The following CCDC60 variants were observed in gnomAD, a reference collection of about 807,000 sequenced individuals.
CCDC60 encodes coiled-coil domain containing 60.
Under a neutral mutation model 63.5 loss-of-function variants are expected in CCDC60, and 54 were observed. That is an observed-to-expected ratio of 0.85 (90% CI 0.68 to 1.07). The LOEUF is 1.07. Among genes scored for constraint, CCDC60 ranks in the 50% least tolerant of loss-of-function variants. The pLI, the probability that CCDC60 is intolerant of heterozygous loss-of-function variation, is 0.00. For synonymous variants in CCDC60, 206 were observed against 238.8 expected (o/e 0.86, Z 1.27); for missense variants, 651 against 684.3 (o/e 0.95, Z 0.54).
chr12:119,408,739 T>C (rs1956539538), intron 1 of CCDC60, among the ~76,000 whole-genome samples: 1 of 151,534 alleles, frequency 6.6e-6, no homozygotes, highest in African/African-American at 2.4e-5. Flanking sequence ...GGCAGGAGAA[T>C]GGTGTGAACC....
Position 119,471,742 on chromosome 12 carries a change from A to C in CCDC60, c.171-252A>C, listed in dbSNP as rs924205710. ...CTCAGAGATTATTGGTCCCAAGACA[A>C]TAAGAGTCAACTCATCTTTTTTTTA... On this transcript the variant is annotated intron_variant, in intron 2 of 13. Transcript: ENST00000327554. Among the ~76,000 whole-genome samples the C allele has an allele frequency of 2.0e-5, 3 of 152,082 alleles. No individual in the cohort carries two copies. In the South Asian group the frequency reaches 6.2e-4, roughly 32 times the overall value.
At chr12:119,411,559 T>C (rs1686995618) in intron 1 of CCDC60, among the ~76,000 whole-genome samples, 2 of 152,202 alleles carry the variant, frequency 1.3e-5, no homozygotes, top group Admixed American at 1.3e-4. Flanking sequence ...TCTTTTGTTA[T>C]GGTGATGTCA....
At chr12:119,539,648 C>T (rs946465891) in intron 13 of CCDC60, among the ~76,000 whole-genome samples, 1 of 152,202 alleles carries the variant, frequency 6.6e-6, no homozygotes, top group African/African-American at 2.4e-5. Context: ...GTGAGCTAGA[C>T]CACTTGGCTC....
At chr12:119,453,158 T>C (rs1049410942) in intron 2 of CCDC60, among the ~76,000 whole-genome samples, 2 of 152,154 alleles carry the variant, frequency 1.3e-5, no homozygotes, top group Non-Finnish European at 2.9e-5. Context: ...CATTAATGTA[T>C]ATCCCACTTT....
At chr12:119,405,421 G>C (rs1030676443) in intron 1 of CCDC60, among the ~76,000 whole-genome samples, 5 of 152,194 alleles carry the variant, frequency 3.3e-5, no homozygotes, top group Non-Finnish European at 7.3e-5. Flanking sequence ...TCTGAAATGA[G>C]CATGGATATT....
At chr12:119,471,901 T>C in intron 2 of CCDC60, 93 bp from the exon 3 acceptor site, 2 of 1,044,550 alleles carry the variant, frequency 1.9e-6, no homozygotes, top group Non-Finnish European at 2.8e-6. Flanking sequence ...TTCTCTTTCC[T>C]CTCTCTCTTT....
intron 2 of CCDC60, among the ~76,000 whole-genome samples, chr12:119,447,476 C>T (rs1269788296): frequency 2.6e-5 from 4 of 152,094 alleles, no homozygotes; most frequent in Non-Finnish European, 5.9e-5. Context: ...GTTGTTTGTC[C>T]TGAAATTATA....
At chr12:119,373,779 G>C (rs1955923293) in intron 1 of CCDC60, among the ~76,000 whole-genome samples, 1 of 152,106 alleles carries the variant, frequency 6.6e-6, no homozygotes, top group Non-Finnish European at 1.5e-5. Context: ...TAGCCATCCA[G>C]ATGTTTCTAA....
At chr12:119,476,864 G>A (rs1353867362) in intron 3 of CCDC60, among the ~76,000 whole-genome samples, 1 of 152,052 alleles carries the variant, frequency 6.6e-6, no homozygotes, top group Non-Finnish European at 1.5e-5. Flanking sequence ...TGGCTGGAAG[G>A]TCTTTCCCTC....
intron 5 of CCDC60, among the ~76,000 whole-genome samples, chr12:119,499,129 T>C (rs1951785250): frequency 6.6e-6 from 1 of 152,234 alleles, no homozygotes; most frequent in Admixed American, 6.5e-5. Flanking sequence ...ACATACAGTA[T>C]ATGCAGCATG....
At chr12:119,512,521 T>G (rs708883) in intron 7 of CCDC60, among the ~76,000 whole-genome samples, 21,259 of 152,196 alleles carry the variant, frequency 0.14, 1,699 homozygotes, top group Non-Finnish European at 0.18. Context: ...GACAGTGTGC[T>G]GCAGGAGTCC....
chr12:119,360,217 C>T (rs1182233063), intron 1 of CCDC60, among the ~76,000 whole-genome samples: 1 of 151,086 alleles, frequency 6.6e-6, no homozygotes, highest in South Asian at 2.1e-4. Flanking sequence ...CAGAGGGGCT[C>T]CTCACTTCCC....
chr12:119,519,432 TGTGCGC>T (rs1256380339), intron 8 of CCDC60, among the ~76,000 whole-genome samples: 6 of 129,358 alleles, frequency 4.6e-5, no homozygotes, highest in Admixed American at 3.1e-4. Flanking sequence ...TGTGTGTGTG[TGTGCGC>T]GTGTGTGTGT....
chr12:119,363,375 C>T lies in CCDC60; in HGVS notation c.90+28109C>T, dbSNP rs1955810214. 2.0e-5 allele frequency among the ~76,000 whole-genome samples: 3 copies of T among 151,970 alleles called. No homozygotes were observed. The South Asian group carries it at 6.2e-4, about 32-fold the overall frequency. On this transcript the variant is annotated intron_variant, in intron 1 of 13. Transcript: ENST00000327554. ...TGCTGTCTTTGCAAAATTTTGTCCT[C>T]TATTATTGACTTGTAAGAGTTCTTT...
chr12:119,354,492 A>G (rs1234591677), intron 1 of CCDC60, among the ~76,000 whole-genome samples: 1 of 152,188 alleles, frequency 6.6e-6, no homozygotes, highest in Non-Finnish European at 1.5e-5. Context: ...AAATGACAGG[A>G]CCACAATTCA....
At chr12:119,423,109 T>A (rs1374459076) in intron 1 of CCDC60, among the ~76,000 whole-genome samples, 1 of 152,142 alleles carries the variant, frequency 6.6e-6, no homozygotes, top group African/African-American at 2.4e-5. Flanking sequence ...AGGGAGTTGA[T>A]CTACAAAGAT....
At chr12:119,508,744 G>A (rs1299339843) in intron 7 of CCDC60, among the ~76,000 whole-genome samples, 3 of 152,170 alleles carry the variant, frequency 2.0e-5, no homozygotes, top group Non-Finnish European at 4.4e-5. Flanking sequence ...GCAAGAGGAA[G>A]TATCTGGAAA....
intron 1 of CCDC60, among the ~76,000 whole-genome samples, chr12:119,400,136 G>A (rs1185085141): frequency 7.0e-6 from 1 of 143,624 alleles, no homozygotes; most frequent in East Asian, 2.2e-4. Context: ...TGCAACCTCC[G>A]CCTCCGGGGT....
intron 1 of CCDC60, among the ~76,000 whole-genome samples, chr12:119,391,927 A>C (rs184930551): frequency 3.9e-5 from 6 of 152,268 alleles, no homozygotes; most frequent in Non-Finnish European, 8.8e-5. Context: ...ACAGCTGTTC[A>C]TTCTATTGCT....
Sources: allele counts gnomAD v4.1 joint callset (sites outside exome capture counted in the v4.1 genomes callset), GRCh38; gene constraint gnomAD v4.1.1; transcripts MANE v1.5; gene names NCBI Gene and HGNC (gene_info 2026-07-23, HGNC 2026-07-21).